GPC5: variants seen among roughly 807,000 people sequenced by gnomAD.
The protein encoded by GPC5 is glypican-5.
In GPC5, 47 loss-of-function variants were observed where a neutral mutation model predicts 53.9. The observed-to-expected ratio is 0.87, with a 90% confidence interval of 0.69 to 1.11. The LOEUF (loss-of-function observed/expected upper bound fraction) is 1.11. Ranked by LOEUF, GPC5 falls within the 50% of genes most tolerant of loss-of-function variation. The pLI is 0.00. For synonymous variants in GPC5, 286 were observed against 263.3 expected (o/e 1.09, Z -0.84); for missense variants, 748 against 713.1 (o/e 1.05, Z -0.56).
chr13:92,850,033 T>G (rs1878740613), intron 7 of GPC5, among the ~76,000 whole-genome samples: 1 of 152,204 alleles, frequency 6.6e-6, no homozygotes, highest in Admixed American at 6.5e-5. Flanking sequence ...AAATGTTCAG[T>G]AAGTTGACAT....
chr13:91,974,246 A>G (rs1019278772), intron 6 of GPC5, among the ~76,000 whole-genome samples: 8 of 152,192 alleles, frequency 5.3e-5, no homozygotes, highest in African/African-American at 1.4e-4. Flanking sequence ...CCTATTCAAC[A>G]TAGTGTTGGA....
At chr13:92,200,537 T>G (rs1241397214) in intron 7 of GPC5, among the ~76,000 whole-genome samples, 2 of 152,228 alleles carry the variant, frequency 1.3e-5, no homozygotes, top group Admixed American at 6.5e-5. Context: ...ACAGTTGAGA[T>G]TCTCCCTACC....
At chr13:92,376,942 G>A (rs973688886) in intron 7 of GPC5, among the ~76,000 whole-genome samples, 1 of 152,114 alleles carries the variant, frequency 6.6e-6, no homozygotes, top group African/African-American at 2.4e-5. Context: ...CTTGAACCCA[G>A]GAGCGGAGGT....
chr13:92,271,985 A>G (rs767740431), intron 7 of GPC5, among the ~76,000 whole-genome samples: 7 of 152,216 alleles, frequency 4.6e-5, no homozygotes, highest in Non-Finnish European at 1.0e-4. Flanking sequence ...GGAGTCAATC[A>G]TCTGATTGTT....
intron 6 of GPC5, among the ~76,000 whole-genome samples, chr13:91,969,395 G>T (rs371013506): frequency 6.6e-6 from 1 of 151,974 alleles, no homozygotes; most frequent in African/African-American, 2.4e-5. Flanking sequence ...TGGATTAAAG[G>T]CTTACATAGA....
At chr13:92,762,588 G>A (rs574584406) in intron 7 of GPC5, among the ~76,000 whole-genome samples, 3 of 152,130 alleles carry the variant, frequency 2.0e-5, no homozygotes, top group East Asian at 3.9e-4. Flanking sequence ...AGTCTTTTGA[G>A]CCCCATGTAT....
intron 7 of GPC5, among the ~76,000 whole-genome samples, chr13:92,546,245 A>G (rs1456771200): frequency 2.0e-5 from 3 of 152,198 alleles, no homozygotes. Context: ...TGCAGATGAC[A>G]TGATTGTATA....
intron 7 of GPC5, among the ~76,000 whole-genome samples, chr13:92,165,023 G>A (rs903822978): frequency 2.6e-5 from 4 of 152,144 alleles, no homozygotes; most frequent in Non-Finnish European, 5.9e-5. Context: ...AAGCGATAAG[G>A]CCCTTGGGCC....
intron 7 of GPC5, chr13:92,339,995 C>A (rs867879879): frequency 2.0e-5 from 3 of 148,776 alleles, no homozygotes; most frequent in Middle Eastern, 3.6e-3. Context: ...TACCTATGAA[C>A]AAAAAAAACA....
chr13:92,527,108 A>AAAG (rs1881315029), intron 7 of GPC5, among the ~76,000 whole-genome samples: 1 of 39,024 alleles, frequency 2.6e-5, no homozygotes, highest in East Asian at 8.5e-4. Context: ...AAAGAAAGAA[A>AAAG]AAAGAAAGAA....
At chr13:92,651,418 A>G (rs1057175089) in intron 7 of GPC5, among the ~76,000 whole-genome samples, 10 of 152,128 alleles carry the variant, frequency 6.6e-5, no homozygotes, top group Non-Finnish European at 5.9e-5. Flanking sequence ...CCTCAGTCTA[A>G]TCATGAGAGA....
chr13:91,810,218 C>G (rs2038288435), intron 5 of GPC5, among the ~76,000 whole-genome samples: 1 of 151,820 alleles, frequency 6.6e-6, no homozygotes, highest in Non-Finnish European at 1.5e-5. Flanking sequence ...TGTCATTTTT[C>G]TTATCTTTTG....
intron 7 of GPC5, among the ~76,000 whole-genome samples, chr13:92,297,236 C>G (rs1312980559): frequency 6.6e-6 from 1 of 152,186 alleles, no homozygotes; most frequent in Admixed American, 6.5e-5. Context: ...CCAATCGACA[C>G]TCTGTACCTA....
At chr13:92,075,743 T>A (rs2041246946) in intron 6 of GPC5, among the ~76,000 whole-genome samples, 1 of 152,174 alleles carries the variant, frequency 6.6e-6, no homozygotes, top group South Asian at 2.1e-4. Context: ...AAGATTGCAA[T>A]CTTTAATTTT....
chr13:92,112,400 C>G (rs1384259728), intron 6 of GPC5, among the ~76,000 whole-genome samples: 2 of 151,998 alleles, frequency 1.3e-5, no homozygotes, highest in African/African-American at 4.8e-5. Context: ...GTCAAAGAAA[C>G]AGAAAATCTA....
chr13:92,628,629 G>A (rs1243887028), intron 7 of GPC5, among the ~76,000 whole-genome samples: 2 of 152,024 alleles, frequency 1.3e-5, no homozygotes, highest in Non-Finnish European at 2.9e-5. Flanking sequence ...GACTAAACTG[G>A]TACGATTTAA....
intron 7 of GPC5, among the ~76,000 whole-genome samples, chr13:92,713,986 A>G (rs1479823928): frequency 1.3e-5 from 2 of 152,090 alleles, no homozygotes; most frequent in African/African-American, 4.8e-5. Context: ...CAAAATAGTG[A>G]TCCTCTTTAA....
intron 7 of GPC5, among the ~76,000 whole-genome samples, chr13:92,384,893 T>C (rs1228006024): frequency 6.6e-6 from 1 of 152,132 alleles, no homozygotes; most frequent in Non-Finnish European, 1.5e-5. Flanking sequence ...TATTCAGTGA[T>C]GCCAGAATTC....
chr13:91,838,850 TA>T (rs758416907), intron 5 of GPC5, among the ~76,000 whole-genome samples: 15 of 152,180 alleles, frequency 9.9e-5, no homozygotes, highest in Non-Finnish European at 2.1e-4. Flanking sequence ...AAGCTAGGAA[TA>T]AAATACTAGT....
Sources: allele counts gnomAD v4.1 joint callset (sites outside exome capture counted in the v4.1 genomes callset), GRCh38; gene constraint gnomAD v4.1.1; transcripts MANE v1.5; gene names NCBI Gene and HGNC (gene_info 2026-07-23, HGNC 2026-07-21).